The following TTC7B variants were observed in gnomAD, a reference collection of about 807,000 sequenced individuals.
The protein encoded by TTC7B is tetratricopeptide repeat protein 7B.
TTC7B carries 28 observed loss-of-function variants against 106.8 expected under a neutral mutation model. The observed-to-expected ratio is 0.26, with a 90% CI of 0.19 to 0.36. TTC7B has a LOEUF of 0.36. Among genes scored for constraint, TTC7B ranks in the 10% least tolerant of loss-of-function variants. The probability of loss-of-function intolerance (pLI) is 1.00; values close to 1 mark genes in which losing one functional copy is unlikely to be tolerated. For missense variants in TTC7B, 862 were observed against 1,076.4 expected, an observed-to-expected ratio of 0.80 and a Z score of 2.79; for synonymous variants, 405 against 430.6, an observed-to-expected ratio of 0.94 and a Z score of 0.74.
intron 1 of TTC7B, among the ~76,000 whole-genome samples, chr14:90,794,802 TCA>T (rs1891718551): frequency 6.6e-6 from 1 of 152,114 alleles, no homozygotes; most frequent in African/African-American, 2.4e-5. Context: ...TCCCTGCCAC[TCA>T]CTCTCCCAAT....
rs1886007172 is a variant in TTC7B at position 90,657,681 on chromosome 14, AT to A, written c.1237-404del. Among the ~76,000 whole-genome samples the A allele has an allele frequency of 6.6e-6, 1 of 152,260 alleles. No homozygotes were observed. Among genetic ancestry groups the A allele is most frequent in the African/African-American group, 2.4e-5 (1 of 41,464 alleles). On this transcript the variant is annotated intron_variant, in intron 10 of 19. Coordinates refer to ENST00000328459, the MANE Select transcript of TTC7B (RefSeq NM_001010854.2). This position sits in a 1 kb window ranked among gnomAD's most constrained non-coding sequence, Gnocchi z 4.2. Reference sequence around the variant, plus strand: ...AGGCTTCATTCGCTAAATGGCCCAAATTAGCAAGAAAAACAATAGCTACGAC... The same window carrying A: ...AGGCTTCATTCGCTAAATGGCCCAAATAGCAAGAAAAACAATAGCTACGAC...
intron 19 of TTC7B, among the ~76,000 whole-genome samples, chr14:90,571,846 G>A (rs1891048038): frequency 6.6e-6 from 1 of 152,218 alleles, no homozygotes. Flanking sequence ...GCGTGAGCCT[G>A]TCCTGCCTGT....
chr14:90,730,851 A>T (rs2139989251), intron 4 of TTC7B, among the ~76,000 whole-genome samples: 1 of 152,320 alleles, frequency 6.6e-6, no homozygotes, highest in African/African-American at 2.4e-5. Context: ...TGGGGTTTTT[A>T]AAGGTTTAAT....
rs1208316488 is a variant in TTC7B, at chr14:90,805,726, A to G, written c.121+10449T>C. Among the ~76,000 whole-genome samples the G allele has an allele frequency of 6.6e-6, 1 of 152,242 alleles. No individual in the cohort carries two copies. Among genetic ancestry groups the G allele is most frequent in the East Asian group, 1.9e-4 (1 of 5,192 alleles). On this transcript the variant is annotated intron_variant, in intron 1 of 19. Transcript: ENST00000328459. The surrounding 1 kb of genome is among the most constrained non-coding windows in gnomAD (Gnocchi z 4.0). Reference sequence around the variant, plus strand: ...TATACAGAGATAAAGCCTGAAGCCGAATAGAGACCACTAGTGAGACTCTCA... The same window carrying G: ...TATACAGAGATAAAGCCTGAAGCCGGATAGAGACCACTAGTGAGACTCTCA...
chr14:90,809,995 C>A (rs962625660), intron 1 of TTC7B, among the ~76,000 whole-genome samples: 1 of 152,204 alleles, frequency 6.6e-6, no homozygotes, highest in East Asian at 1.9e-4. Context: ...TTACAACCTC[C>A]CTATAAGTTT....
chr14:90,732,774 G>T (rs948946128), intron 4 of TTC7B, among the ~76,000 whole-genome samples: 1 of 151,884 alleles, frequency 6.6e-6, no homozygotes, highest in Admixed American at 6.6e-5. Context: ...GAGCCACTGC[G>T]CCCAGCTCCT....
chr14:90,775,091 C>T (rs1422996775), intron 3 of TTC7B, among the ~76,000 whole-genome samples: 1 of 151,828 alleles, frequency 6.6e-6, no homozygotes, highest in Non-Finnish European at 1.5e-5. Context: ...TCCCAGGTCC[C>T]ACTTCCTGAT....
chr14:90,689,255 T>C (rs534130613), intron 7 of TTC7B, among the ~76,000 whole-genome samples: 77 of 152,260 alleles, frequency 5.1e-4, no homozygotes, highest in African/African-American at 1.4e-3. Flanking sequence ...TGAGGTCTTA[T>C]AATAAATGGA....
chr14:90,726,287 G>A (rs559304602), intron 5 of TTC7B, among the ~76,000 whole-genome samples: 1 of 152,258 alleles, frequency 6.6e-6, no homozygotes, highest in Non-Finnish European at 1.5e-5. Flanking sequence ...GTGCCACCGC[G>A]GTCAGACCAG....
At chr14:90,643,133 G>A (rs559709566) in intron 15 of TTC7B, among the ~76,000 whole-genome samples, 13 of 152,240 alleles carry the variant, frequency 8.5e-5, no homozygotes, top group African/African-American at 3.1e-4. Flanking sequence ...ACTAGGCTGG[G>A]CACAGTGGCT....
At chr14:90,758,779 G>A (rs1228959166) in intron 3 of TTC7B, among the ~76,000 whole-genome samples, 1 of 152,122 alleles carries the variant, frequency 6.6e-6, no homozygotes, top group East Asian at 1.9e-4. Flanking sequence ...TCTGCACCTG[G>A]GAGCCCCTCC....
chr14:90,606,456 T>A (rs969983306), intron 17 of TTC7B, among the ~76,000 whole-genome samples: 7 of 152,248 alleles, frequency 4.6e-5, no homozygotes, highest in African/African-American at 1.7e-4. Flanking sequence ...TTTGTTGATA[T>A]CTATCAATTA....
rs2031191395 is a variant in TTC7B at position 90,816,351 on chromosome 14, G to GCGCCCCCTCGCCGCCTCCCGCCGCCGC, written c.-83_-57dup. The GCGCCCCCTCGCCGCCTCCCGCCGCCGC allele has an allele frequency of 1.1e-6, 1 of 939,782 alleles. No homozygotes were observed. The allele number at this position is 939,782 out of a possible 1,614,324, so 58.2% of individuals were successfully genotyped here. A position where few individuals can be genotyped will look rare whatever the true frequency, so the allele number is the denominator to read the frequency against. ...CGCAGGCCCCACCGCCGCCGCCGCG[G>GCGCCCCCTCGCCGCCTCCCGCCGCCGC]CGCCCCCTCGCCGCCTCCCGCCGCC... On this transcript the variant is annotated 5_prime_UTR_variant, in exon 1 of 20. Coordinates refer to ENST00000328459, the MANE Select transcript of TTC7B (RefSeq NM_001010854.2).
chr14:90,755,586 G>A (rs1301939717), intron 3 of TTC7B, among the ~76,000 whole-genome samples: 1 of 152,032 alleles, frequency 6.6e-6, no homozygotes, highest in Non-Finnish European at 1.5e-5. Flanking sequence ...TTGAGCCCAG[G>A]AGTTCAAGAT....
intron 18 of TTC7B, among the ~76,000 whole-genome samples, chr14:90,581,460 C>T (rs981217664): frequency 1.3e-5 from 2 of 152,210 alleles, no homozygotes; most frequent in African/African-American, 2.4e-5. Flanking sequence ...ATTCCCTCAA[C>T]GCCCTCACCA....
chr14:90,647,151 T>A (rs1173280764), intron 13 of TTC7B, 128 bp from the exon 14 acceptor site: 13 of 733,582 alleles, frequency 1.8e-5, no homozygotes, highest in Non-Finnish European at 3.1e-5. Flanking sequence ...ATGTAATGCT[T>A]CATTTAAACT....
chr14:90,678,949 G>C (rs1449999602), intron 8 of TTC7B, among the ~76,000 whole-genome samples: 3 of 152,160 alleles, frequency 2.0e-5, no homozygotes, highest in Non-Finnish European at 4.4e-5. Context: ...TGCCCAAAGG[G>C]AACTACCTGC....
In TTC7B at chr14:90,570,956, G is replaced by A. The variant is rs1306045039; in HGVS notation, c.2310+7150C>T. Among the ~76,000 whole-genome samples, 1 of 152,158 alleles carries A rather than the reference G, an allele frequency of 6.6e-6. No homozygotes were observed. The highest frequency in any genetic ancestry group is 2.4e-5 in the African/African-American group (1 of 41,448). On this transcript the variant is annotated intron_variant, in intron 19 of 19. Coordinates refer to ENST00000328459, the MANE Select transcript of TTC7B (RefSeq NM_001010854.2). This position sits in a 1 kb window ranked among gnomAD's most constrained non-coding sequence, Gnocchi z 4.0. ...AACCCAGGCAGCTGGCGCCAGCACC[G>A]TGCTCCCGATCTTTCCACCGCCTGT...
chr14:90,771,379 T>A (rs1410299940), intron 3 of TTC7B, among the ~76,000 whole-genome samples: 1 of 152,162 alleles, frequency 6.6e-6, no homozygotes, highest in Non-Finnish European at 1.5e-5. Flanking sequence ...GAGGCTCGCT[T>A]AAGCCCAGGA....
Sources: allele counts gnomAD v4.1 joint callset (sites outside exome capture counted in the v4.1 genomes callset), GRCh38; gene constraint gnomAD v4.1.1; non-coding constraint Gnocchi (gnomAD v3.1); transcripts MANE v1.5; gene names NCBI Gene and HGNC (gene_info 2026-07-23, HGNC 2026-07-21).